The following ATRNL1 variants were observed in gnomAD, a reference collection of about 807,000 sequenced individuals.
The protein encoded by ATRNL1 is attractin like 1, also known as attractin-like protein 1.
Under a neutral mutation model 182.7 loss-of-function variants are expected in ATRNL1, and 95 were observed. The observed-to-expected ratio is 0.52, with a 90% CI of 0.44 to 0.62. ATRNL1 has a LOEUF of 0.62. Ranked by LOEUF, ATRNL1 falls within the 20% of genes least tolerant of loss-of-function variation. The pLI, the probability that ATRNL1 is intolerant of heterozygous loss-of-function variation, is 0.00. For synonymous variants in ATRNL1, 576 were observed against 568.3 expected (o/e 1.01, Z -0.19); for missense variants, 1,471 against 1,679.5 (o/e 0.88, Z 2.17).
intron 19 of ATRNL1, among the ~76,000 whole-genome samples, chr10:115,385,306 C>T (rs781907033): frequency 1.7e-4 from 26 of 152,048 alleles, no homozygotes; most frequent in African/African-American, 4.8e-4. Flanking sequence ...TGGCTAAGGA[C>T]ATTAAATATC....
intron 15 of ATRNL1, 34 bp from the exon 16 acceptor site, chr10:115,300,000 T>C (rs782028774): frequency 6.6e-7 from 1 of 1,512,096 alleles, no homozygotes; most frequent in East Asian, 2.3e-5. Flanking sequence ...TACATCTAAC[T>C]TTCTTTGAAT....
At chr10:115,778,908 C>A (rs1555078591) in intron 27 of ATRNL1, among the ~76,000 whole-genome samples, 1 of 152,108 alleles carries the variant, frequency 6.6e-6, no homozygotes, top group East Asian at 1.9e-4. Context: ...AACCTTGCAA[C>A]CAATTCAGTA....
intron 5 of ATRNL1, among the ~76,000 whole-genome samples, chr10:115,153,336 G>A (rs1360230970): frequency 6.6e-6 from 1 of 152,092 alleles, no homozygotes; most frequent in Non-Finnish European, 1.5e-5. Context: ...GGCTGTGAAT[G>A]TGTCTGGTCC....
chr10:115,302,097 T>G, intron 17 of ATRNL1, 54 bp downstream of exon 17: 1 of 1,402,034 alleles, frequency 7.1e-7, no homozygotes, highest in Non-Finnish European at 9.7e-7. Flanking sequence ...AATTTACTTT[T>G]CTGTGATGTA....
At chr10:115,617,865 C>A (rs1253016974) in intron 26 of ATRNL1, among the ~76,000 whole-genome samples, 1 of 152,150 alleles carries the variant, frequency 6.6e-6, no homozygotes, top group Non-Finnish European at 1.5e-5. Flanking sequence ...ATCTGTGTTC[C>A]TACCCAAAGC....
chr10:115,433,170 A>G (rs1424955895), intron 21 of ATRNL1, among the ~76,000 whole-genome samples: 1 of 152,088 alleles, frequency 6.6e-6, no homozygotes, highest in East Asian at 1.9e-4. Context: ...ATTTTGTAGT[A>G]ATAATAAACT....
chr10:115,113,472 A>C (rs1173115396), intron 1 of ATRNL1, among the ~76,000 whole-genome samples: 1 of 152,292 alleles, frequency 6.6e-6, no homozygotes, highest in South Asian at 2.1e-4. Context: ...CTTATCTTGA[A>C]TTACCACGTG....
chr10:115,772,597 C>CTGTGTGTGTG (rs57939999), intron 27 of ATRNL1, among the ~76,000 whole-genome samples: 13,609 of 140,206 alleles, frequency 0.097, 699 homozygotes, highest in Middle Eastern at 0.11. Flanking sequence ...TATACTCTGT[C>CTGTGTGTGTG]TGTGTGTGTG....
chr10:115,506,519 G>GA (rs1286045312), intron 24 of ATRNL1, among the ~76,000 whole-genome samples: 2 of 151,454 alleles, frequency 1.3e-5, no homozygotes, highest in African/African-American at 2.4e-5. Flanking sequence ...CTAGAAGCTG[G>GA]AAAAAAAACT....
At chr10:115,251,951 C>G (rs1439106096) in intron 10 of ATRNL1, among the ~76,000 whole-genome samples, 1 of 152,166 alleles carries the variant, frequency 6.6e-6, no homozygotes, top group African/African-American at 2.4e-5. Context: ...TGATCAAGCT[C>G]CCCTCTGAAC....
chr10:115,863,550 A>G (rs1253857023), intron 28 of ATRNL1, among the ~76,000 whole-genome samples: 4 of 152,210 alleles, frequency 2.6e-5, no homozygotes, highest in Non-Finnish European at 5.9e-5. Context: ...GAGGAAAGTG[A>G]GAAGACTAGA....
chr10:115,776,003 C>T lies in ATRNL1; in HGVS notation c.3903+48648C>T, dbSNP rs141868857. ...GGAGAAAATGAATTTACAGAAAAGT[C>T]GAATATTCTTTTATTAAAGCAGCTC... On this transcript the variant is annotated intron_variant, in intron 27 of 28. Coordinates refer to ENST00000355044, the MANE Select transcript of ATRNL1 (RefSeq NM_207303.4). 2.1e-3 allele frequency among the ~76,000 whole-genome samples: 316 copies of T among 150,094 alleles called. 3 individuals carry two copies. The highest frequency in any genetic ancestry group is 0.017 in the Admixed American group (250 of 15,020).
intron 19 of ATRNL1, among the ~76,000 whole-genome samples, chr10:115,348,630 C>G (rs530757176): frequency 7.2e-5 from 11 of 152,088 alleles, no homozygotes; most frequent in African/African-American, 2.7e-4. Context: ...AAGGAATATC[C>G]TTGAACTCCA....
At position 115,848,161 on chromosome 10, in the gene ATRNL1, T is replaced by C. The variant is rs1051557384; in HGVS notation, c.4018+170T>C. On this transcript the variant is annotated intron_variant, in intron 28 of 28. Transcript: ENST00000355044. Reference sequence around the variant, plus strand: ...TTACCCAACTATCTAGATACCTGCATTGTTATAAAGGTAGATTTCCCAGTG... The same window carrying C: ...TTACCCAACTATCTAGATACCTGCACTGTTATAAAGGTAGATTTCCCAGTG... Among the ~76,000 whole-genome samples the C allele has an allele frequency of 7.2e-5, 11 of 152,160 alleles. No individual in the cohort carries two copies. The South Asian group carries it at 2.3e-3, about 32-fold the overall frequency.
chr10:115,163,064 C>T (rs1457164052), intron 6 of ATRNL1, among the ~76,000 whole-genome samples: 3 of 150,786 alleles, frequency 2.0e-5, no homozygotes, highest in African/African-American at 7.3e-5. Context: ...GGGGGAGTAG[C>T]TTAAGGGACA....
rs1434358829 is a variant in ATRNL1, at chr10:115,165,582, G to C, written c.1029G>C (p.Trp343Cys). ...VLNYNLESSIWNVGTPSRGPL... is the reference protein window; with the variant it reads ...VLNYNLESSICNVGTPSRGPL... The stretch of plus-strand genomic sequence containing the variant: ...GTTACAATTTAGAAAGCAGTATATG[G>C]AATGTAGGAACTCCATCAAGGGGAC... The change falls in exon 7 of 29, where the codon TGG becomes TGC. Residue 343 changes from tryptophan (W) to cysteine (C), a missense_variant. This residue lies in a region of ATRNL1 where 1,031 missense variants were observed against 1,156.0 expected (regional missense o/e 0.89). Coordinates refer to ENST00000355044, the MANE Select transcript of ATRNL1 (RefSeq NM_207303.4). The C allele has an allele frequency of 6.5e-7, 1 of 1,533,042 alleles. No homozygotes were observed. The highest frequency in any genetic ancestry group is 2.3e-5 in the East Asian group (1 of 43,446). 95.0% of individuals were successfully genotyped at this position (1,533,042 alleles called of 1,614,324 possible).
intron 28 of ATRNL1, among the ~76,000 whole-genome samples, chr10:115,873,388 C>T (rs1032207197): frequency 1.3e-4 from 20 of 152,210 alleles, no homozygotes; most frequent in African/African-American, 4.6e-4. Flanking sequence ...GAAAAATACT[C>T]AGCCTCTTGT....
chr10:115,115,562 GAATT>G (rs1554869688), intron 1 of ATRNL1, among the ~76,000 whole-genome samples: 1 of 151,918 alleles, frequency 6.6e-6, no homozygotes, highest in African/African-American at 2.4e-5. Context: ...AAATAAAAAG[GAATT>G]AATAAGCTGA....
intron 26 of ATRNL1, among the ~76,000 whole-genome samples, chr10:115,696,505 A>T (rs1946563879): frequency 6.6e-6 from 1 of 152,158 alleles, no homozygotes; most frequent in Admixed American, 6.5e-5. Context: ...AGGACAATTT[A>T]TGTTCCTTTG....
Sources: gnomAD v4.1 joint callset for allele counts (sites outside exome capture counted in the v4.1 genomes callset) on GRCh38, gnomAD v4.1.1 for gene constraint, gnomAD v4.1.1 regional missense constraint, MANE v1.5 for transcripts, NCBI Gene and HGNC (gene_info 2026-07-23, HGNC 2026-07-21) for gene names.